Variants in RELN observed in about 807,000 individuals in gnomAD.
RELN encodes reelin.
In RELN, 108 loss-of-function variants were observed where a neutral mutation model predicts 427.6. That is an observed-to-expected ratio of 0.25 (90% CI 0.22 to 0.30). The LOEUF (loss-of-function observed/expected upper bound fraction) is 0.30. Among genes scored for constraint, RELN ranks in the 10% least tolerant of loss-of-function variants. The pLI is 1.00. For synonymous variants in RELN, 1,524 were observed against 1,513.4 expected (o/e 1.01, Z -0.16); for missense variants, 3,715 against 4,302.8 (o/e 0.86, Z 3.82).
intron 2 of RELN, among the ~76,000 whole-genome samples, chr7:103,870,923 T>C (rs1319023365): frequency 6.6e-6 from 1 of 152,130 alleles, no homozygotes; most frequent in Non-Finnish European, 1.5e-5. Flanking sequence ...CTGTCTCGAA[T>C]TGTGATCTCT....
At chr7:103,572,967 AGGCATTTGTTGCCCAGGCTG>A (rs1159469543) in intron 30 of RELN, among the ~76,000 whole-genome samples, 4 of 150,160 alleles carry the variant, frequency 2.7e-5, no homozygotes, top group Admixed American at 6.6e-5. Context: ...CATCTACGTT[AGGCATTTGTTGCCCAGGCTG>A]GAGTGCAGTG....
chr7:103,853,242 T>C (rs1233298618), intron 2 of RELN, among the ~76,000 whole-genome samples: 1 of 152,100 alleles, frequency 6.6e-6, no homozygotes, highest in Non-Finnish European at 1.5e-5. Context: ...ATTGAGATTA[T>C]TTGAATACAC....
rs147994579 is a variant in RELN at position 103,610,669 on chromosome 7, A to T, written c.3008+26T>A. ...AAGGGATAGTCAAAGTTAAAGTGAC[A>T]GCCATATCTAAAGATGTCATCTCAC... On this transcript the variant is annotated intron_variant, in intron 22 of 64. Coordinates refer to ENST00000428762, the MANE Select transcript of RELN (RefSeq NM_005045.4). The T allele has an allele frequency of 6.7e-5, 72 of 1,082,146 alleles. No individual in the cohort carries two copies. In the African/African-American group the frequency reaches 1.0e-3, roughly 15 times the overall value. The allele number at this position is 1,082,146 out of a possible 1,614,324, so 67.0% of individuals were successfully genotyped here.
chr7:103,529,797 C>T (rs373375492), intron 46 of RELN, among the ~76,000 whole-genome samples: 13 of 152,004 alleles, frequency 8.6e-5, no homozygotes, highest in Non-Finnish European at 1.5e-4. Flanking sequence ...ACCGTTCGTT[C>T]GAAGGTCACT....
At chr7:103,904,650 T>G (rs1020218307) in intron 2 of RELN, among the ~76,000 whole-genome samples, 1 of 152,190 alleles carries the variant, frequency 6.6e-6, no homozygotes, top group Non-Finnish European at 1.5e-5. Context: ...GGAATGTGTG[T>G]TTTTGTTTGC....
intron 3 of RELN, among the ~76,000 whole-genome samples, chr7:103,793,286 C>T (rs149359648): frequency 2.5e-3 from 376 of 152,214 alleles, no homozygotes; most frequent in African/African-American, 8.5e-3. Flanking sequence ...ATAGCAAAGC[C>T]CTTTGGCCTC....
chr7:103,489,304 G>T (rs2116997257), intron 60 of RELN, among the ~76,000 whole-genome samples: 1 of 152,116 alleles, frequency 6.6e-6, no homozygotes, highest in Middle Eastern at 3.4e-3. Context: ...GGCAGCTGCT[G>T]CTGGAAGAGG....
chr7:103,881,635 C>G (rs968571552), intron 2 of RELN, among the ~76,000 whole-genome samples: 2 of 151,968 alleles, frequency 1.3e-5, no homozygotes, highest in East Asian at 3.9e-4. Flanking sequence ...CTGTATTTGT[C>G]CTTCAAAACT....
intron 2 of RELN, among the ~76,000 whole-genome samples, chr7:103,902,905 T>C (rs1795113838): frequency 6.6e-6 from 1 of 151,678 alleles, no homozygotes; most frequent in African/African-American, 2.4e-5. Context: ...AATATCTCAA[T>C]GATAATTATC....
At chr7:103,605,182 A>G (rs1409880382) in intron 22 of RELN, among the ~76,000 whole-genome samples, 1 of 152,192 alleles carries the variant, frequency 6.6e-6, no homozygotes, top group African/African-American at 2.4e-5. Context: ...AGAGTAATAG[A>G]GTTTCTTACA....
intron 3 of RELN, among the ~76,000 whole-genome samples, chr7:103,807,599 C>G (rs976612743): frequency 2.0e-5 from 3 of 152,076 alleles, no homozygotes; most frequent in Non-Finnish European, 2.9e-5. Flanking sequence ...GCCTGCCAAT[C>G]TAGGCTTCCC....
intron 2 of RELN, among the ~76,000 whole-genome samples, chr7:103,847,399 C>T (rs1333544647): frequency 6.6e-6 from 1 of 152,098 alleles, no homozygotes; most frequent in Non-Finnish European, 1.5e-5. Flanking sequence ...GGAAACATCA[C>T]ACACCAGGGC....
chr7:103,502,267 A>G lies in RELN; in HGVS notation c.8489+749T>C. Among the ~76,000 whole-genome samples the G allele has an allele frequency of 1.5e-5, 2 of 136,724 alleles. 1 individual carries two copies. The highest frequency in any genetic ancestry group is 7.4e-3 in the Middle Eastern group (2 of 272). The allele number at this position is 136,724 out of a possible 152,430, so 89.7% of individuals were successfully genotyped here. A position where few individuals can be genotyped will look rare whatever the true frequency, so the allele number is the denominator to read the frequency against. On this transcript the variant is annotated intron_variant, in intron 52 of 64. Transcript: ENST00000428762. ...ATTCCAGAAAACCCTGAGTGGTAAT[A>G]ATAATAATAATAATATCTATGGGAC...
At chr7:103,583,035 C>G (rs1831190154) in intron 28 of RELN, among the ~76,000 whole-genome samples, 1 of 152,156 alleles carries the variant, frequency 6.6e-6, no homozygotes, top group Non-Finnish European at 1.5e-5. Flanking sequence ...AGCCATATGT[C>G]TCATTTTCAT....
At position 103,635,541 on chromosome 7, in the gene RELN, G is replaced by A. The variant is rs748131788; in HGVS notation, c.2349C>T (p.Ser783=). 1.2e-6 allele frequency: 2 copies of A among 1,613,984 alleles called. No individual in the cohort carries two copies. The highest frequency in any genetic ancestry group is 1.7e-5 in the Admixed American group (1 of 60,014). Residue 783 remains serine, a synonymous_variant, in exon 19 of 65, where the codon AGC becomes AGT. Coordinates refer to ENST00000428762, the MANE Select transcript of RELN (RefSeq NM_005045.4). ...TLRLGSKSVL[S]TCRAPDQPGE... is the part of the protein sequence containing the mutation. ...CAGGCTGATCAGGGGCTCTGCACGT[G>A]CTCAGAACAGATTTGCTCCCCAGTC...
chr7:103,789,894 T>A (rs1792116026), intron 3 of RELN, among the ~76,000 whole-genome samples: 1 of 151,382 alleles, frequency 6.6e-6, no homozygotes, highest in Non-Finnish European at 1.5e-5. Context: ...GTATGTTTAC[T>A]GCGGCACTAT....
chr7:103,984,086 C>T (rs1228087553), intron 1 of RELN, among the ~76,000 whole-genome samples: 1 of 151,378 alleles, frequency 6.6e-6, no homozygotes, highest in African/African-American at 2.4e-5. Flanking sequence ...AATATGCAAC[C>T]AATCTTAAAT....
At position 103,682,276 on chromosome 7, in the gene RELN, A is replaced by G. The variant is rs2301560; in HGVS notation, c.1144-15T>C. 1,882 of 1,613,926 alleles carry G rather than the reference A, an allele frequency of 1.2e-3. 32 individuals are homozygous for G. The South Asian group carries it at 0.013, about 11-fold the overall frequency. ...TGACAGCTATGCTGTAGGTGAAAAG[A>G]GAGCACGGGGTGGCTGTTGAATTGG... On this transcript the variant is annotated splice_polypyrimidine_tract_variant and intron_variant, in intron 10 of 64. Coordinates refer to ENST00000428762, the MANE Select transcript of RELN (RefSeq NM_005045.4).
At chr7:103,746,248 T>C (rs1159665219) in intron 6 of RELN, among the ~76,000 whole-genome samples, 2 of 152,090 alleles carry the variant, frequency 1.3e-5, no homozygotes, top group East Asian at 1.9e-4. Context: ...CTTCCTTACA[T>C]CTTATGCAAA....
Sources: gnomAD v4.1 joint callset for allele counts (sites outside exome capture counted in the v4.1 genomes callset) on GRCh38, gnomAD v4.1.1 for gene constraint, MANE v1.5 for transcripts, NCBI Gene and HGNC (gene_info 2026-07-23, HGNC 2026-07-21) for gene names.